SPAG16: variants seen among roughly 807,000 people sequenced by gnomAD.
SPAG16 encodes the protein sperm-associated antigen 16 protein.
A neutral mutation model predicts 80.4 loss-of-function variants in SPAG16; 86 were observed. The ratio of observed to expected loss-of-function variants is 1.07; its 90% CI spans 0.90 to 1.28. The LOEUF (loss-of-function observed/expected upper bound fraction) is 1.28. SPAG16 is among the 50% of genes most tolerant of loss of function. The pLI is 0.00. For missense variants in SPAG16, 870 were observed against 765.3 expected (o/e 1.14, Z -1.61); for synonymous variants, 294 against 265.9 (o/e 1.11, Z -1.03).
At chr2:213,489,685 G>C (rs1441932271) in intron 9 of SPAG16, among the ~76,000 whole-genome samples, 2 of 152,060 alleles carry the variant, frequency 1.3e-5, no homozygotes, top group African/African-American at 4.8e-5. Context: ...ATGCTATATT[G>C]TGCTTCATTG....
chr2:213,370,479 G>A (rs1054301318), intron 8 of SPAG16, among the ~76,000 whole-genome samples: 1 of 152,044 alleles, frequency 6.6e-6, no homozygotes, highest in Non-Finnish European at 1.5e-5. Context: ...AAGATAAGAA[G>A]AATGTAATCA....
chr2:213,671,285 A>G (rs2063802951), intron 10 of SPAG16, among the ~76,000 whole-genome samples: 1 of 152,228 alleles, frequency 6.6e-6, no homozygotes. Flanking sequence ...TAGGAGCTTG[A>G]CTATGGCAGC....
intron 15 of SPAG16, among the ~76,000 whole-genome samples, chr2:214,200,563 AC>A (rs2057980417): frequency 1.3e-5 from 2 of 152,016 alleles, no homozygotes; most frequent in Admixed American, 1.3e-4. Flanking sequence ...TCATAACGTT[AC>A]AAAGAGGGGG....
chr2:213,610,994 AG>A (rs1261617061), intron 10 of SPAG16, among the ~76,000 whole-genome samples: 1 of 152,226 alleles, frequency 6.6e-6, no homozygotes, highest in Non-Finnish European at 1.5e-5. Flanking sequence ...TCTAGAGGCC[AG>A]GAACACCTTT....
intron 15 of SPAG16, among the ~76,000 whole-genome samples, chr2:214,163,915 C>T (rs772355148): frequency 2.0e-5 from 3 of 151,872 alleles, no homozygotes; most frequent in African/African-American, 4.8e-5. Flanking sequence ...ATCTGCTTTA[C>T]CCAAAGTCTG....
chr2:214,309,773 C>T (rs142607217), intron 15 of SPAG16, among the ~76,000 whole-genome samples: 10 of 152,134 alleles, frequency 6.6e-5, no homozygotes, highest in East Asian at 3.9e-4. Context: ...TTCACTTTGC[C>T]GGGGGAACCA....
chr2:213,680,493 C>T (rs567903417), intron 10 of SPAG16, among the ~76,000 whole-genome samples: 2 of 151,936 alleles, frequency 1.3e-5, no homozygotes, highest in African/African-American at 4.8e-5. Context: ...TATGGATGTC[C>T]AAGGCCCTGC....
chr2:214,238,115 T>G (rs769040631), intron 15 of SPAG16: 5 of 406,960 alleles, frequency 1.2e-5, no homozygotes, highest in South Asian at 9.1e-5. Flanking sequence ...TAATTAATCA[T>G]ACAATTTGCT....
chr2:214,250,020 C>G (rs1486636120), intron 15 of SPAG16: 1 of 152,172 alleles, frequency 6.6e-6, no homozygotes, highest in East Asian at 1.9e-4. Context: ...CACTTTGCAA[C>G]TCAAACATTG....
At chr2:213,999,911 ATTTACC>A (rs2046709132) in intron 12 of SPAG16, among the ~76,000 whole-genome samples, 1 of 152,138 alleles carries the variant, frequency 6.6e-6, no homozygotes, top group Non-Finnish European at 1.5e-5. Flanking sequence ...GAAGGGCTGT[ATTTACC>A]CAATACCTGT....
intron 15 of SPAG16, among the ~76,000 whole-genome samples, chr2:214,269,280 C>T (rs947432105): frequency 2.0e-5 from 3 of 151,892 alleles, no homozygotes; most frequent in African/African-American, 7.2e-5. Context: ...ATCAATGGGA[C>T]TTTTTCATAA....
intron 13 of SPAG16, among the ~76,000 whole-genome samples, chr2:214,051,245 GTTT>G (rs2049627194): frequency 6.6e-6 from 1 of 152,118 alleles, no homozygotes; most frequent in Admixed American, 6.6e-5. Context: ...AGCTCATGGT[GTTT>G]TCTTTTCTCC....
chr2:213,671,970 A>G (rs1437692294), intron 10 of SPAG16, among the ~76,000 whole-genome samples: 1 of 152,226 alleles, frequency 6.6e-6, no homozygotes, highest in African/African-American at 2.4e-5. Flanking sequence ...GAAAATATTT[A>G]TTATGCATCA....
At chr2:213,420,253 T>C (rs1323136648) in intron 9 of SPAG16, among the ~76,000 whole-genome samples, 1 of 152,222 alleles carries the variant, frequency 6.6e-6, no homozygotes, top group Non-Finnish European at 1.5e-5. Context: ...TTTGATCTGA[T>C]GATGAAATAT....
At chr2:214,391,252 G>A (rs1260976862) in intron 15 of SPAG16, among the ~76,000 whole-genome samples, 1 of 152,120 alleles carries the variant, frequency 6.6e-6, no homozygotes, top group African/African-American at 2.4e-5. Flanking sequence ...TCATTAGAAT[G>A]ATTTTGAGCA....
Position 214,235,445 on chromosome 2 carries a change from G to C in SPAG16, c.1720+86179G>C, listed in dbSNP as rs116412499. ...TAATAGAAGGTAAAGAATTTAATGT[G>C]CATTTTCTTCCTCAAATAAATAAAT... On this transcript the variant is annotated intron_variant, in intron 15 of 15. Transcript: ENST00000331683. Among the ~76,000 whole-genome samples the C allele has an allele frequency of 5.0e-3, 759 of 152,158 alleles. 5 individuals are homozygous for C. Among genetic ancestry groups the C allele is most frequent in the African/African-American group, 0.017 (718 of 41,528 alleles).
At chr2:213,722,644 A>G (rs942518675) in intron 10 of SPAG16, among the ~76,000 whole-genome samples, 6 of 152,196 alleles carry the variant, frequency 3.9e-5, no homozygotes, top group Admixed American at 3.3e-4. Flanking sequence ...TGAGATCAGG[A>G]TTATGATGCG....
At chr2:214,294,177 T>C (rs1365468598) in intron 15 of SPAG16, among the ~76,000 whole-genome samples, 1 of 152,206 alleles carries the variant, frequency 6.6e-6, no homozygotes, top group African/African-American at 2.4e-5. Flanking sequence ...CTGCGCAATC[T>C]GTAGGCAGCT....
chr2:213,874,740 A>G (rs1193102281), intron 11 of SPAG16, among the ~76,000 whole-genome samples: 3 of 152,144 alleles, frequency 2.0e-5, no homozygotes, highest in Admixed American at 6.6e-5. Flanking sequence ...ATGACTTTAT[A>G]TGGCACATGA....
Sources: gnomAD v4.1 joint callset for allele counts (sites outside exome capture counted in the v4.1 genomes callset) on GRCh38, gnomAD v4.1.1 for gene constraint, MANE v1.5 for transcripts, NCBI Gene and HGNC (gene_info 2026-07-23, HGNC 2026-07-21) for gene names.